Variants in CREB5 observed in about 807,000 individuals in gnomAD.
CREB5 encodes cAMP responsive element binding protein 5.
CREB5 carries 19 observed loss-of-function variants against 57.1 expected under a neutral mutation model. The observed-to-expected ratio is 0.33, with a 90% CI of 0.23 to 0.49. CREB5 has a LOEUF of 0.49. CREB5 is among the 20% of genes least tolerant of loss of function. CREB5 has a pLI of 0.99. For missense variants in CREB5, 579 were observed against 671.6 expected (o/e 0.86, Z 1.52); for synonymous variants, 238 against 238.3 (o/e 1.00, Z 0.01).
At chr7:28,550,926 G>A (rs964831559) in intron 4 of CREB5, among the ~76,000 whole-genome samples, 8 of 152,250 alleles carry the variant, frequency 5.3e-5, no homozygotes, top group South Asian at 2.1e-4. Context: ...TAAAAACAAC[G>A]CCGGCTGAAG....
At chr7:28,528,133 C>T (rs1432692084) in intron 4 of CREB5, among the ~76,000 whole-genome samples, 1 of 152,190 alleles carries the variant, frequency 6.6e-6, no homozygotes, top group African/African-American at 2.4e-5. Flanking sequence ...ACATTTGCTG[C>T]ACCCACACTT....
intron 5 of CREB5, among the ~76,000 whole-genome samples, chr7:28,673,275 CT>C (rs1309741885): frequency 6.6e-6 from 1 of 152,170 alleles, no homozygotes; most frequent in Non-Finnish European, 1.5e-5. Context: ...ATCACACATT[CT>C]AAAAGGACCT....
chr7:28,475,272 T>C (rs1357314587), intron 1 of CREB5, among the ~76,000 whole-genome samples: 3 of 127,062 alleles, frequency 2.4e-5, no homozygotes, highest in Non-Finnish European at 5.2e-5. Flanking sequence ...TTTTTTTTTT[T>C]TTTTTTTTTT....
chr7:28,660,128 A>G lies in CREB5; in HGVS notation c.465-58625A>G. The stretch of plus-strand genomic sequence containing the variant: ...TGCTTGCCTGTAAATGATGCCAAAA[A>G]TGTGCTGTGCATAGTATAGCATTGC... On this transcript the variant is annotated intron_variant, in intron 5 of 10. Coordinates refer to ENST00000357727, the MANE Select transcript of CREB5 (RefSeq NM_182898.4). 1.3e-5 allele frequency among the ~76,000 whole-genome samples: 2 copies of G among 152,328 alleles called. 1 individual carries two copies. The highest frequency in any genetic ancestry group is 4.8e-5 in the African/African-American group (2 of 41,584).
At chr7:28,667,973 G>A (rs1048443443) in intron 5 of CREB5, among the ~76,000 whole-genome samples, 5 of 152,158 alleles carry the variant, frequency 3.3e-5, no homozygotes, top group South Asian at 2.1e-4. Flanking sequence ...AAAAATGCAC[G>A]TCTGCCTTTC....
At chr7:28,560,881 TGCGTGCGTGTGTGTGC>T (rs1195211641) in intron 4 of CREB5, among the ~76,000 whole-genome samples, 1 of 46,204 alleles carries the variant, frequency 2.2e-5, no homozygotes, top group African/African-American at 1.1e-4. Flanking sequence ...TGCGCGTGCG[TGCGTGCGTGTGTGTGC>T]GTGCGCGCGT....
At chr7:28,749,240 A>T (rs1804845168) in intron 7 of CREB5, 2 of 152,252 alleles carry the variant, frequency 1.3e-5, no homozygotes, top group South Asian at 4.1e-4. Flanking sequence ...TTATGAGTTA[A>T]TTAGTATTTA....
intron 5 of CREB5, among the ~76,000 whole-genome samples, chr7:28,621,824 G>T (rs1247534131): frequency 1.3e-5 from 2 of 152,150 alleles, no homozygotes; most frequent in Admixed American, 6.5e-5. Flanking sequence ...AAGTATTAAG[G>T]ACAACATATA....
At chr7:28,800,779 G>A (rs987136640) in intron 7 of CREB5, among the ~76,000 whole-genome samples, 4 of 152,160 alleles carry the variant, frequency 2.6e-5, no homozygotes, top group African/African-American at 7.2e-5. Flanking sequence ...TGGACCATTC[G>A]GCAATAACGT....
chr7:28,685,353 C>A (rs1439811004), intron 5 of CREB5, among the ~76,000 whole-genome samples: 1 of 152,164 alleles, frequency 6.6e-6, no homozygotes, highest in African/African-American at 2.4e-5. Context: ...TTTCACAGCC[C>A]TTGGTGGCTC....
intron 4 of CREB5, among the ~76,000 whole-genome samples, chr7:28,531,374 G>T (rs1793721506): frequency 6.6e-6 from 1 of 152,084 alleles, no homozygotes; most frequent in Non-Finnish European, 1.5e-5. Flanking sequence ...CGAGTGTTTT[G>T]CTGGCCATCT....
chr7:28,631,259 T>A (rs1798191412), intron 5 of CREB5, among the ~76,000 whole-genome samples: 1 of 152,332 alleles, frequency 6.6e-6, no homozygotes, highest in Admixed American at 6.5e-5. Context: ...TGTAGCACCC[T>A]TCACAGCTGT....
rs113317295 is a variant in CREB5 at position 28,587,102 on chromosome 7, C to G, written c.464+16565C>G. On this transcript the variant is annotated intron_variant, in intron 5 of 10. Coordinates refer to ENST00000357727, the MANE Select transcript of CREB5 (RefSeq NM_182898.4). Reference sequence around the variant, plus strand: ...TTGTTACATTTATGGGATTCTAAATCATTCATGTATTTATCTATACTTGGC... The same window carrying G: ...TTGTTACATTTATGGGATTCTAAATGATTCATGTATTTATCTATACTTGGC... Among the ~76,000 whole-genome samples, 212 of 152,314 alleles carry G rather than the reference C, an allele frequency of 1.4e-3. 1 individual carries two copies. The highest frequency in any genetic ancestry group is 4.9e-3 in the African/African-American group (205 of 41,558).
At chr7:28,496,611 A>G (rs1050771347) in intron 3 of CREB5, among the ~76,000 whole-genome samples, 1 of 152,098 alleles carries the variant, frequency 6.6e-6, no homozygotes, top group African/African-American at 2.4e-5. Flanking sequence ...CTACTGCATC[A>G]TCAGACTTTG....
intron 1 of CREB5, among the ~76,000 whole-genome samples, chr7:28,477,171 C>T (rs1233170397): frequency 6.6e-6 from 1 of 152,224 alleles, no homozygotes; most frequent in African/African-American, 2.4e-5. Context: ...GATGGGTAAT[C>T]AATCACTGTC....
At chr7:28,676,940 G>A (rs959728948) in intron 5 of CREB5, among the ~76,000 whole-genome samples, 19 of 152,162 alleles carry the variant, frequency 1.2e-4, no homozygotes, top group African/African-American at 4.3e-4. Flanking sequence ...ATGGGTCCTG[G>A]AGACCATAAT....
intron 6 of CREB5, among the ~76,000 whole-genome samples, chr7:28,722,019 C>T (rs1201023338): frequency 6.6e-6 from 1 of 152,212 alleles, no homozygotes; most frequent in Non-Finnish European, 1.5e-5. Flanking sequence ...AGTCAAGCTC[C>T]TGGTGCAGAC....
intron 7 of CREB5, among the ~76,000 whole-genome samples, chr7:28,750,263 G>A (rs560144700): frequency 6.2e-4 from 95 of 152,232 alleles, no homozygotes; most frequent in African/African-American, 2.1e-3. Context: ...TTCCTTCCAC[G>A]TTCCATCCTG....
At chr7:28,683,691 C>T (rs1301816694) in intron 5 of CREB5, among the ~76,000 whole-genome samples, 2 of 152,156 alleles carry the variant, frequency 1.3e-5, no homozygotes, top group African/African-American at 4.8e-5. Context: ...GATCCGTGCC[C>T]GGCATTGGCT....
Sources: allele counts gnomAD v4.1 joint callset (sites outside exome capture counted in the v4.1 genomes callset), GRCh38; gene constraint gnomAD v4.1.1; transcripts MANE v1.5; gene names NCBI Gene and HGNC (gene_info 2026-07-23, HGNC 2026-07-21).